RHOC: variants seen among roughly 807,000 people sequenced by gnomAD.
The protein encoded by RHOC is rho-related GTP-binding protein RhoC.
A neutral mutation model predicts 19.5 loss-of-function variants in RHOC; 13 were observed. That is an observed-to-expected ratio of 0.67 (90% CI 0.43 to 1.06). The LOEUF (loss-of-function observed/expected upper bound fraction) is 1.06. RHOC is among the 50% of genes least tolerant of loss of function. RHOC has a pLI of 0.00. For missense variants in RHOC, 173 were observed against 256.9 expected (o/e 0.67, Z 2.23); for synonymous variants, 106 against 97.3 (o/e 1.09, Z -0.52).
rs1301851009 is a variant in RHOC at position 112,701,410 on chromosome 1, G to A, written c.*130C>T. The A allele has an allele frequency of 1.3e-6, 2 of 1,586,518 alleles. No individual in the cohort carries two copies. Among genetic ancestry groups the A allele is most frequent in the Non-Finnish European group, 1.7e-6 (2 of 1,166,036 alleles). ...CACCACCTCGGGGCTAGAAAACAAT[G>A]CAGTCCTGGGCAGGAGGGAACTGAA... On this transcript the variant is annotated 3_prime_UTR_variant, in exon 6 of 6. Transcript: ENST00000339083.
intron 3 of RHOC, 109 bp downstream of exon 3, chr1:112,703,535 G>C: frequency 1.1e-6 from 1 of 934,428 alleles, no homozygotes; most frequent in South Asian, 1.4e-5. Context: ...GTTCCAGCAG[G>C]GAGAATGAAG....
chr1:112,705,654 G>A (rs1674812898), intron 1 of RHOC: 1 of 456,806 alleles, frequency 2.2e-6, no homozygotes, highest in Non-Finnish European at 4.4e-6. Context: ...CAAAAAGAGG[G>A]TTCCTTGGGA....
rs1456096348 is a variant in RHOC at position 112,706,492 on chromosome 1, A to ACCCCCACAC, written c.-77+585_-77+586insGTGTGGGGG. Among the ~76,000 whole-genome samples the ACCCCCACAC allele has an allele frequency of 9.8e-3, 295 of 30,018 alleles. 20 individuals are homozygous for ACCCCCACAC. Among genetic ancestry groups the ACCCCCACAC allele is most frequent in the Non-Finnish European group, 0.02 (234 of 11,914 alleles). 19.7% of individuals were successfully genotyped at this position (30,018 alleles called of 152,430 possible). ...CACACACACACACACACACACACACACACACACACACACACACACACACAC... is the reference window on the plus strand; with the variant it reads ...CACACACACACACACACACACACACACCCCCACACCACACACACACACACACACACACAC... On this transcript the variant is annotated intron_variant, in intron 1 of 5. Transcript: ENST00000339083.
In RHOC at chr1:112,701,364, G is replaced by T; in HGVS notation, c.*176C>A. On this transcript the variant is annotated 3_prime_UTR_variant, in exon 6 of 6. Transcript: ENST00000339083. ...AGGGCATAGGCGTGGCTCCCAGAGCGCTGGGAGGGAGGGCCCGTGCCACCA... is the reference window on the plus strand; with the variant it reads ...AGGGCATAGGCGTGGCTCCCAGAGCTCTGGGAGGGAGGGCCCGTGCCACCA... 1.3e-6 allele frequency: 2 copies of T among 1,502,596 alleles called. No homozygotes were observed. The highest frequency in any genetic ancestry group is 2.5e-5 in the East Asian group (1 of 40,624). The allele number at this position is 1,502,596 out of a possible 1,614,324, so 93.1% of individuals were successfully genotyped here.
chr1:112,703,903 A>C, intron 2 of RHOC, 97 bp from the exon 3 acceptor site: 1 of 1,152,030 alleles, frequency 8.7e-7, no homozygotes, highest in East Asian at 2.5e-5. Context: ...CGAGGCATCT[A>C]GCAAAGGGAC....
At chr1:112,706,456 CACACACACCACA>C (rs1674860148) in intron 1 of RHOC, among the ~76,000 whole-genome samples, 1 of 24,864 alleles carries the variant, frequency 4.0e-5, no homozygotes, top group African/African-American at 1.1e-4. Context: ...CACACACACA[CACACACACCACA>C]CACACACACA....
At chr1:112,706,467 CACACACACACACACACACACA>C in intron 1 of RHOC, among the ~76,000 whole-genome samples, 16 of 2,940 alleles carry the variant, frequency 5.4e-3, no homozygotes, top group Admixed American at 0.016. Context: ...ACACACACCA[CACACACACACACACACACACA>C]CACACACACA....
chr1:112,701,732 A>AG lies in RHOC; in HGVS notation c.409-20dup, dbSNP rs1443790159. 1 of 1,613,002 alleles carries AG rather than the reference A, an allele frequency of 6.2e-7. No homozygotes were observed. Among genetic ancestry groups the AG allele is most frequent in the East Asian group, 2.2e-5 (1 of 44,864 alleles). The stretch of plus-strand genomic sequence containing the variant: ...CGGGCTCCTGAGAAGACATAAGATG[A>AG]GGGGTCAAAGGAAGCTGTTGACTAC... On this transcript the variant is annotated intron_variant, in intron 5 of 5. Transcript: ENST00000339083.
At chr1:112,703,154 G>T (rs375048066) in intron 3 of RHOC, 35 bp from the exon 4 acceptor site, 1 of 1,611,760 alleles carries the variant, frequency 6.2e-7, no homozygotes, top group African/African-American at 1.3e-5. Context: ...CTGGCCTGAG[G>T]GCCCCAACCC....
intron 2 of RHOC, 108 bp downstream of exon 2, chr1:112,704,992 G>C (rs913503551): frequency 9.1e-6 from 6 of 659,766 alleles, no homozygotes; most frequent in Admixed American, 4.2e-5. Context: ...TCAGCTTCCC[G>C]GGCTTCCATG....
chr1:112,702,425 T>C (rs549755213), intron 5 of RHOC, 138 bp downstream of exon 5: 72 of 890,596 alleles, frequency 8.1e-5, no homozygotes, highest in Non-Finnish European at 1.2e-4. Flanking sequence ...CACAACCCTA[T>C]GGGTCCTCCC....
At position 112,706,458 on chromosome 1, in the gene RHOC, CA is replaced by C. The variant is rs1557780548; in HGVS notation, c.-77+619del. Among the ~76,000 whole-genome samples the C allele has an allele frequency of 5.1e-3, 127 of 24,932 alleles. 7 individuals are homozygous for C. The highest frequency in any genetic ancestry group is 0.016 in the African/African-American group (117 of 7,306). 16.4% of individuals were successfully genotyped at this position (24,932 alleles called of 152,430 possible). ...ACACACACACACACACACACACACACACACACCACACACACACACACACACA... is the reference window on the plus strand; with the variant it reads ...ACACACACACACACACACACACACACCACACCACACACACACACACACACA... On this transcript the variant is annotated intron_variant, in intron 1 of 5. Coordinates refer to ENST00000339083, the MANE Select transcript of RHOC (RefSeq NM_175744.5).
chr1:112,706,429 CTA>C lies in RHOC; in HGVS notation c.-77+647_-77+648del, dbSNP rs1491226414. The stretch of plus-strand genomic sequence containing the variant: ...TCATTTTCTCTCTCTCTCTCTCTCT[CTA>C]CACACACACACACACACACACACAC... On this transcript the variant is annotated intron_variant, in intron 1 of 5. Transcript: ENST00000339083. Among the ~76,000 whole-genome samples the C allele has an allele frequency of 3.4e-3, 121 of 35,792 alleles. 2 individuals are homozygous for C. Among genetic ancestry groups the C allele is most frequent in the Admixed American group, 7.5e-3 (21 of 2,810 alleles). The allele number at this position is 35,792 out of a possible 152,430, so 23.5% of individuals were successfully genotyped here. A position where few individuals can be genotyped will look rare whatever the true frequency, so the allele number is the denominator to read the frequency against.
upstream of RHOC, chr1:112,707,154 T>A (rs1674924800): frequency 6.7e-6 from 1 of 150,328 alleles, no homozygotes; most frequent in Non-Finnish European, 1.5e-5. Context: ...CCCGCCCTCC[T>A]CCAGCGCCGC....
chr1:112,706,493 CACACACA>C (rs1674886998), intron 1 of RHOC, among the ~76,000 whole-genome samples: 5 of 31,264 alleles, frequency 1.6e-4, no homozygotes, highest in Admixed American at 4.0e-4. Context: ...CACACACACA[CACACACA>C]CACACACACA....
intron 1 of RHOC, chr1:112,705,935 G>A: frequency 9.3e-6 from 3 of 323,280 alleles, no homozygotes; most frequent in South Asian, 7.6e-5. Flanking sequence ...AAGGGACCTG[G>A]AGCCTCCAGC....
chr1:112,704,098 G>C (rs2101464105), intron 2 of RHOC, among the ~76,000 whole-genome samples: 1 of 152,282 alleles, frequency 6.6e-6, no homozygotes, highest in East Asian at 1.9e-4. Context: ...TTGCCAACCT[G>C]GGGACTCCAG....
intron 2 of RHOC, chr1:112,704,682 C>T (rs542540954): frequency 2.0e-4 from 38 of 188,892 alleles, no homozygotes; most frequent in Middle Eastern, 2.3e-3. Context: ...CCACCCCACC[C>T]GGTCCCCAAA....
At chr1:112,706,478 A>ACCACACACACCCCCACACACCCCCACAC (rs1336355723) in intron 1 of RHOC, among the ~76,000 whole-genome samples, 2 of 5,126 alleles carry the variant, frequency 3.9e-4, no homozygotes, top group African/African-American at 1.1e-3. Flanking sequence ...ACACACACAC[A>ACCACACACACCCCCACACACCCCCACAC]CACACACACA....
Sources: gnomAD v4.1 joint callset for allele counts (sites outside exome capture counted in the v4.1 genomes callset) on GRCh38, gnomAD v4.1.1 for gene constraint, MANE v1.5 for transcripts, NCBI Gene and HGNC (gene_info 2026-07-23, HGNC 2026-07-21) for gene names.